Variants in PSMB3 observed in about 807,000 individuals in gnomAD.
PSMB3 encodes the protein proteasome 20S subunit beta 3, also known as proteasome subunit beta type-3.
PSMB3 carries 5 observed loss-of-function variants against 23.3 expected under a neutral mutation model. The ratio of observed to expected loss-of-function variants is 0.21; its 90% CI spans 0.11 to 0.45. The LOEUF (loss-of-function observed/expected upper bound fraction) is 0.45, where lower values mean the gene tolerates loss of function less well. PSMB3 is among the 20% of genes least tolerant of loss of function. The pLI is 0.99. For synonymous variants in PSMB3, 85 were observed against 99.8 expected, an observed-to-expected ratio of 0.85 and a Z score of 0.88; for missense variants, 192 against 277.9, an observed-to-expected ratio of 0.69 and a Z score of 2.20.
Position 38,760,507 on chromosome 17 carries a change from G to C in PSMB3, c.373G>C (p.Asp125His). ...CTTTAAGCCCTTCATTTGCTCTCTA[G>C]ACCTCATCGGCTGCCCCATGGTGAC... Reference protein sequence around the residue: ...KTFKPFICSLDLIGCPMVTDD... With the variant: ...KTFKPFICSLHLIGCPMVTDD... Residue 125 changes from aspartate to histidine, a missense_variant, in exon 4 of 6, where the codon GAC (aspartate) becomes CAC (histidine). By Grantham distance (81) the Asp-to-His change is moderately conservative (BLOSUM62 -1). Transcript: ENST00000619426. 1 of 1,614,240 alleles carries C rather than the reference G, an allele frequency of 6.2e-7. No individual in the cohort carries two copies. Among genetic ancestry groups the C allele is most frequent in the Non-Finnish European group, 8.5e-7 (1 of 1,180,042 alleles).
Position 38,762,234 on chromosome 17 carries a change from GCTTC to G in PSMB3, c.475-171_475-168del, listed in dbSNP as rs947510399. On this transcript the variant is annotated intron_variant, in intron 4 of 5. Coordinates refer to ENST00000619426, the MANE Select transcript of PSMB3 (RefSeq NM_002795.4). The stretch of plus-strand genomic sequence containing the variant: ...CTTTCACTTTCCTTTACATAATTCT[GCTTC>G]CTTCCAAGGAAGGAGCTGAGAGGGG... 4.7e-5 allele frequency: 28 copies of G among 589,980 alleles called. No homozygotes were observed. In the African/African-American group the frequency reaches 5.2e-4, roughly 11 times the overall value. The allele number at this position is 589,980 out of a possible 1,614,324, so 36.5% of individuals were successfully genotyped here.
chr17:38,754,218 C>G (rs1908061580), intron 2 of PSMB3, among the ~76,000 whole-genome samples: 1 of 152,008 alleles, frequency 6.6e-6, no homozygotes, highest in Admixed American at 6.5e-5. Flanking sequence ...ACCTGTAATC[C>G]CAACACTTTG....
chr17:38,755,057 C>T (rs1908096719), intron 2 of PSMB3, among the ~76,000 whole-genome samples: 1 of 151,502 alleles, frequency 6.6e-6, no homozygotes, highest in Non-Finnish European at 1.5e-5. Context: ...TCACTGCAAC[C>T]TCCGCCTCCA....
chr17:38,760,556 C>T lies in PSMB3; in HGVS notation c.422C>T (p.Thr141Ile), dbSNP rs773369314. ...MVTDDFVVSG[T>I]CAEQMYGMCE... ...ACTGATGACTTTGTGGTCAGTGGCA[C>T]CTGCGCCGAACAAATGTACGGAATG... Residue 141 changes from threonine (T) to isoleucine (I), a missense_variant, in exon 4 of 6, where the codon ACC becomes ATC. Physicochemically the swap from Thr to Ile is moderately conservative, Grantham distance 89 (BLOSUM62 -1). Coordinates refer to ENST00000619426, the MANE Select transcript of PSMB3 (RefSeq NM_002795.4). 7 of 1,614,252 alleles carry T rather than the reference C, an allele frequency of 4.3e-6. No homozygotes were observed. In the Admixed American group the frequency reaches 5.0e-5, roughly 12 times the overall value.
At chr17:38,757,256 T>C (rs1261590230) in intron 3 of PSMB3, among the ~76,000 whole-genome samples, 1 of 149,968 alleles carries the variant, frequency 6.7e-6, no homozygotes, top group Non-Finnish European at 1.5e-5. Flanking sequence ...TGGTGGCTCA[T>C]GCCTGTAATC....
chr17:38,754,527 C>T (rs1241065912), intron 2 of PSMB3, among the ~76,000 whole-genome samples: 2 of 152,120 alleles, frequency 1.3e-5, no homozygotes, highest in Non-Finnish European at 2.9e-5. Flanking sequence ...TTAAAACTCC[C>T]TGAGTCTCAA....
At chr17:38,753,907 A>C (rs1428539730) in intron 2 of PSMB3, among the ~76,000 whole-genome samples, 1 of 152,188 alleles carries the variant, frequency 6.6e-6, no homozygotes, top group African/African-American at 2.4e-5. Flanking sequence ...AATCTATGGG[A>C]GCAGATTCTG....
chr17:38,755,681 T>TGC, intron 2 of PSMB3, among the ~76,000 whole-genome samples: 1 of 124,494 alleles, frequency 8.0e-6, no homozygotes, highest in Non-Finnish European at 1.6e-5. Context: ...TATATATATA[T>TGC]ATGTGTGTGT....
intron 4 of PSMB3, 101 bp downstream of exon 4, chr17:38,760,709 A>G: frequency 1.2e-5 from 16 of 1,341,552 alleles, no homozygotes; most frequent in Non-Finnish European, 1.5e-5. Flanking sequence ...AGAATGGTGC[A>G]GGTGGGAGAG....
At chr17:38,762,283 C>A in intron 4 of PSMB3, 128 bp from the exon 5 acceptor site, 1 of 740,180 alleles carries the variant, frequency 1.4e-6, no homozygotes, top group Middle Eastern at 2.9e-4. Context: ...TCCTGGGAAT[C>A]ATCCCTTACT....
intron 3 of PSMB3, among the ~76,000 whole-genome samples, chr17:38,757,721 A>G (rs1908266639): frequency 6.6e-6 from 1 of 152,352 alleles, no homozygotes; most frequent in Admixed American, 6.5e-5. Flanking sequence ...AAGCTGAGGC[A>G]GGAGAATCGC....
At chr17:38,756,378 A>T (rs1452776155) in intron 3 of PSMB3, among the ~76,000 whole-genome samples, 1 of 152,184 alleles carries the variant, frequency 6.6e-6, no homozygotes, top group African/African-American at 2.4e-5. Context: ...TTATGGTGAG[A>T]AACAAGGGGC....
chr17:38,759,098 G>A (rs1047903381), intron 3 of PSMB3, among the ~76,000 whole-genome samples: 2 of 152,186 alleles, frequency 1.3e-5, no homozygotes, highest in South Asian at 2.1e-4. Context: ...TATGGATAAC[G>A]TCTCTTTTAC....
chr17:38,752,752 C>T lies in PSMB3; in HGVS notation c.-75C>T, dbSNP rs1907985523. 1.3e-6 allele frequency: 2 copies of T among 1,563,836 alleles called. No individual in the cohort carries two copies. The highest frequency in any genetic ancestry group is 1.1e-5 in the South Asian group (1 of 90,190). The stretch of plus-strand genomic sequence containing the variant: ...GCCAATGAAGAGACAGCAGTGAGAG[C>T]GGTTGCGCAGTGAAGGCTAGACCCG... On this transcript the variant is annotated 5_prime_UTR_variant, in exon 1 of 6. Transcript: ENST00000619426. This position sits in a 1 kb window ranked among gnomAD's most constrained non-coding sequence, Gnocchi z 5.5.
intron 2 of PSMB3, among the ~76,000 whole-genome samples, 170 bp from the exon 3 acceptor site, chr17:38,755,713 T>TGCGC (rs59619796): frequency 0.019 from 2,177 of 116,506 alleles, 62 homozygotes; most frequent in African/African-American, 0.064. Context: ...TGTGTGTGTG[T>TGCGC]GTGCTGCCAA....
At chr17:38,754,152 C>T (rs79707954) in intron 2 of PSMB3, among the ~76,000 whole-genome samples, 3,228 of 152,206 alleles carry the variant, frequency 0.021, 48 homozygotes, top group Non-Finnish European at 0.032. Context: ...AGCTCACAAG[C>T]GTGGGTGGAT....
intron 1 of PSMB3, 37 bp from the exon 2 acceptor site, chr17:38,753,113 A>G: frequency 4.5e-6 from 7 of 1,564,504 alleles, no homozygotes; most frequent in Non-Finnish European, 6.1e-6. Context: ...GCAGCGTTTG[A>G]CCCCCCGCGC....
intron 5 of PSMB3, among the ~76,000 whole-genome samples, chr17:38,763,173 C>T (rs1000090576): frequency 2.6e-5 from 4 of 151,936 alleles, no homozygotes; most frequent in Non-Finnish European, 4.4e-5. Context: ...CCTAACATGG[C>T]GAAACCCCGT....
intron 3 of PSMB3, among the ~76,000 whole-genome samples, chr17:38,758,120 GTA>G (rs1431479283): frequency 1.3e-5 from 2 of 152,072 alleles, no homozygotes; most frequent in African/African-American, 4.8e-5. Context: ...TGCGTAGATG[GTA>G]TCTCTGGGGT....
Sources: allele counts gnomAD v4.1 joint callset (sites outside exome capture counted in the v4.1 genomes callset), GRCh38; gene constraint gnomAD v4.1.1; non-coding constraint Gnocchi (gnomAD v3.1); transcripts MANE v1.5; gene names NCBI Gene and HGNC (gene_info 2026-07-23, HGNC 2026-07-21).